The following CLSTN2 variants were observed in gnomAD, a reference collection of about 807,000 sequenced individuals.
The protein encoded by CLSTN2 is calsyntenin-2.
A neutral mutation model predicts 101.2 loss-of-function variants in CLSTN2; 48 were observed. That is an observed-to-expected ratio of 0.47 (90% CI 0.38 to 0.60). The LOEUF (loss-of-function observed/expected upper bound fraction) is 0.60, where lower values mean the gene tolerates loss of function less well. Ranked by LOEUF, CLSTN2 falls within the 20% of genes least tolerant of loss-of-function variation. CLSTN2 has a pLI of 0.00. For missense variants in CLSTN2, 1,160 were observed against 1,238.2 expected (o/e 0.94, Z 0.95); for synonymous variants, 481 against 463.6 (o/e 1.04, Z -0.48).
chr3:140,102,347 T>C (rs1033843873), intron 1 of CLSTN2, among the ~76,000 whole-genome samples: 6 of 152,168 alleles, frequency 3.9e-5, no homozygotes, highest in Non-Finnish European at 5.9e-5. Flanking sequence ...AGTCCATGAT[T>C]TGGGGGCAAG....
intron 1 of CLSTN2, among the ~76,000 whole-genome samples, chr3:140,073,773 G>A (rs2008436663): frequency 6.6e-6 from 1 of 152,218 alleles, no homozygotes; most frequent in Non-Finnish European, 1.5e-5. Context: ...AGTGCAAAGG[G>A]TGCATGGTTT....
intron 5 of CLSTN2, among the ~76,000 whole-genome samples, chr3:140,424,203 T>C (rs2088536709): frequency 6.6e-6 from 1 of 152,220 alleles, no homozygotes; most frequent in Admixed American, 6.5e-5. Context: ...TGAGAACAGG[T>C]ACAAGAATTC....
intron 8 of CLSTN2, among the ~76,000 whole-genome samples, chr3:140,479,023 A>T (rs1036231934): frequency 1.3e-5 from 2 of 152,164 alleles, no homozygotes; most frequent in African/African-American, 4.8e-5. Flanking sequence ...GGAGGTCAAA[A>T]TCTGATCATA....
intron 2 of CLSTN2, among the ~76,000 whole-genome samples, chr3:140,233,656 C>T (rs2086390838): frequency 6.6e-6 from 1 of 152,212 alleles, no homozygotes; most frequent in Admixed American, 6.5e-5. Context: ...TAAATGGTCT[C>T]ATACTCTTCT....
At chr3:140,149,116 C>A (rs1049432703) in intron 1 of CLSTN2, among the ~76,000 whole-genome samples, 4 of 152,136 alleles carry the variant, frequency 2.6e-5, no homozygotes, top group African/African-American at 7.2e-5. Flanking sequence ...GAGAACTTCA[C>A]CCCCTTAGAA....
intron 2 of CLSTN2, among the ~76,000 whole-genome samples, chr3:140,392,321 TGAGA>T (rs2088124164): frequency 6.6e-6 from 1 of 151,964 alleles, no homozygotes; most frequent in African/African-American, 2.4e-5. Flanking sequence ...AAATTGTTAA[TGAGA>T]AATTTTCTAT....
intron 2 of CLSTN2, among the ~76,000 whole-genome samples, chr3:140,291,280 T>G (rs964040260): frequency 2.0e-5 from 3 of 150,942 alleles, no homozygotes; most frequent in African/African-American, 7.3e-5. Flanking sequence ...GCCTCCTCAC[T>G]TTATTACTCT....
chr3:140,042,976 A>G (rs536790295), intron 1 of CLSTN2, among the ~76,000 whole-genome samples: 1 of 152,340 alleles, frequency 6.6e-6, no homozygotes, highest in African/African-American at 2.4e-5. Flanking sequence ...TAGTGCCACA[A>G]TAAACATACG....
chr3:140,289,333 TTTTTG>T (rs1396742042), intron 2 of CLSTN2, among the ~76,000 whole-genome samples: 3 of 151,910 alleles, frequency 2.0e-5, no homozygotes, highest in African/African-American at 7.3e-5. Context: ...TTTGTGTTTT[TTTTTG>T]TTTGTTTGTT....
At chr3:140,346,901 C>T (rs1195108948) in intron 2 of CLSTN2, among the ~76,000 whole-genome samples, 2 of 152,148 alleles carry the variant, frequency 1.3e-5, no homozygotes, top group African/African-American at 2.4e-5. Flanking sequence ...ACTTACCTTA[C>T]CTAAACTAGT....
intron 1 of CLSTN2, among the ~76,000 whole-genome samples, chr3:140,121,920 C>A (rs2009346797): frequency 6.6e-6 from 1 of 152,148 alleles, no homozygotes; most frequent in Non-Finnish European, 1.5e-5. Context: ...ATCTTACCTT[C>A]CCTCCTGAGA....
chr3:140,035,209 T>C (rs553774372), intron 1 of CLSTN2, among the ~76,000 whole-genome samples: 3 of 152,352 alleles, frequency 2.0e-5, no homozygotes, highest in African/African-American at 4.8e-5. Flanking sequence ...GAAACTTTAA[T>C]GGACTCTCAG....
chr3:140,516,341 T>C (rs1934916727), intron 8 of CLSTN2, among the ~76,000 whole-genome samples: 1 of 152,170 alleles, frequency 6.6e-6, no homozygotes, highest in South Asian at 2.1e-4. Flanking sequence ...TCAATATCAA[T>C]ATTGATATGT....
intron 2 of CLSTN2, among the ~76,000 whole-genome samples, chr3:140,315,604 T>C (rs1386720534): frequency 6.6e-6 from 1 of 152,228 alleles, no homozygotes; most frequent in African/African-American, 2.4e-5. Context: ...CCTTGCTCAG[T>C]CCTTTAGTTG....
intron 2 of CLSTN2, among the ~76,000 whole-genome samples, chr3:140,243,205 C>T: frequency 6.6e-6 from 1 of 152,200 alleles, no homozygotes; most frequent in East Asian, 1.9e-4. Flanking sequence ...GAGGGGCACA[C>T]AGTAAAGCCT....
chr3:140,068,956 A>T (rs2107775966), intron 1 of CLSTN2, among the ~76,000 whole-genome samples: 1 of 152,334 alleles, frequency 6.6e-6, no homozygotes, highest in East Asian at 1.9e-4. Flanking sequence ...CTTTGATAAT[A>T]ATAGAATCTC....
Position 140,421,236 on chromosome 3 carries a change from A to G in CLSTN2, c.749A>G (p.Gln250Arg), listed in dbSNP as rs768487663. ...QKPAAQDTLV[Q>R]VDVKPVCKPG... ...CCCGCTGCTCAGGACACCCTGGTGC[A>G]GGTGGATGTGAAGCCAGTTTGCAAG... The change falls in exon 5 of 17, where the codon CAG becomes CGG. Residue 250 changes from glutamine to arginine, a missense_variant. Coordinates refer to ENST00000458420, the MANE Select transcript of CLSTN2 (RefSeq NM_022131.3). 4.5e-5 allele frequency: 72 copies of G among 1,614,060 alleles called. No homozygotes were observed. Among genetic ancestry groups the G allele is most frequent in the Non-Finnish European group, 6.0e-5 (71 of 1,180,020 alleles).
chr3:140,368,160 A>G (rs138604757), intron 2 of CLSTN2, among the ~76,000 whole-genome samples: 1,898 of 152,296 alleles, frequency 0.012, 49 homozygotes, highest in African/African-American at 0.044. Flanking sequence ...GAGGATGGCC[A>G]TGGTCAAGAA....
intron 2 of CLSTN2, among the ~76,000 whole-genome samples, chr3:140,258,058 C>T (rs934271949): frequency 3.3e-5 from 5 of 151,924 alleles, no homozygotes; most frequent in African/African-American, 1.2e-4. Flanking sequence ...AAAATTATCT[C>T]ATTTCTGTTT....
Sources: gnomAD v4.1 joint callset for allele counts (sites outside exome capture counted in the v4.1 genomes callset) on GRCh38, gnomAD v4.1.1 for gene constraint, MANE v1.5 for transcripts, NCBI Gene and HGNC (gene_info 2026-07-23, HGNC 2026-07-21) for gene names.